The following UTRN variants were observed in gnomAD, a reference collection of about 807,000 sequenced individuals.
UTRN encodes dystrophin-related protein 1.
A neutral mutation model predicts 463.9 loss-of-function variants in UTRN; 283 were observed. The ratio of observed to expected loss-of-function variants is 0.61; its 90% CI spans 0.55 to 0.67. The LOEUF is 0.67. UTRN is among the 30% of genes least tolerant of loss of function. The probability of loss-of-function intolerance (pLI) is 0.00; values close to 1 mark genes in which losing one functional copy is unlikely to be tolerated. For synonymous variants in UTRN, 1,442 were observed against 1,431.5 expected, an observed-to-expected ratio of 1.01 and a Z score of -0.17; for missense variants, 3,922 against 4,084.3, an observed-to-expected ratio of 0.96 and a Z score of 1.08.
chr6:144,632,062 C>T (rs900014505), intron 51 of UTRN, among the ~76,000 whole-genome samples: 1 of 152,130 alleles, frequency 6.6e-6, no homozygotes, highest in Non-Finnish European at 1.5e-5. Flanking sequence ...CATGCATATC[C>T]GAAAGCTTTC....
rs115955804 is a variant in UTRN, at chr6:144,745,147, C to T, written c.7940-3099C>T. On this transcript the variant is annotated intron_variant, in intron 54 of 74. Coordinates refer to ENST00000367545, the MANE Select transcript of UTRN (RefSeq NM_007124.3). ...GGGTTCTTCACTGGTGAAGCAGATT[C>T]TCTGCTTCTACTTGTAGGTGGTCCT... Among the ~76,000 whole-genome samples, 480 of 152,226 alleles carry T rather than the reference C, an allele frequency of 3.2e-3. 2 individuals are homozygous for T. Among genetic ancestry groups the T allele is most frequent in the African/African-American group, 0.011 (469 of 41,536 alleles).
intron 50 of UTRN, among the ~76,000 whole-genome samples, chr6:144,561,921 T>G (rs1183106010): frequency 2.0e-5 from 3 of 152,174 alleles, no homozygotes; most frequent in Non-Finnish European, 4.4e-5. Context: ...AGCAGAAGGT[T>G]GAGTCATTAT....
At chr6:144,397,244 TA>T (rs528359502) in intron 2 of UTRN, among the ~76,000 whole-genome samples, 3,266 of 145,014 alleles carry the variant, frequency 0.023, 55 homozygotes, top group South Asian at 0.09. Flanking sequence ...AACTCGGTCT[TA>T]AAAAAAAAAA....
chr6:144,758,867 G>A (rs957120150), intron 58 of UTRN, among the ~76,000 whole-genome samples: 1 of 152,046 alleles, frequency 6.6e-6, no homozygotes, highest in South Asian at 2.1e-4. Flanking sequence ...TCTGTCTCAG[G>A]TTAGCTGTGT....
At chr6:144,481,744 G>A (rs2128573819) in intron 26 of UTRN, among the ~76,000 whole-genome samples, 1 of 152,336 alleles carries the variant, frequency 6.6e-6, no homozygotes, top group East Asian at 1.9e-4. Flanking sequence ...AAATTTCAGA[G>A]TTAGCATTCT....
chr6:144,705,051 A>G (rs781724434), intron 53 of UTRN, among the ~76,000 whole-genome samples: 9 of 152,190 alleles, frequency 5.9e-5, no homozygotes, highest in Non-Finnish European at 8.8e-5. Context: ...TAAAGGTTTG[A>G]AAGTCCAGTG....
chr6:144,537,036 CAT>C (rs1405518289), intron 43 of UTRN, among the ~76,000 whole-genome samples: 4 of 152,134 alleles, frequency 2.6e-5, no homozygotes, highest in East Asian at 1.9e-4. Flanking sequence ...GCCAAATTCA[CAT>C]GTTTCTTGTC....
At chr6:144,669,251 C>T (rs1303940328) in intron 51 of UTRN, among the ~76,000 whole-genome samples, 3 of 152,230 alleles carry the variant, frequency 2.0e-5, no homozygotes, top group Non-Finnish European at 4.4e-5. Flanking sequence ...TAAAAAGAAA[C>T]TTTGAGTTTA....
intron 51 of UTRN, among the ~76,000 whole-genome samples, chr6:144,646,946 T>G (rs909954272): frequency 6.6e-6 from 1 of 152,206 alleles, no homozygotes; most frequent in African/African-American, 2.4e-5. Context: ...AGTTTGTTAA[T>G]GATGTTAGAA....
At chr6:144,729,077 T>C (rs1030894891) in intron 53 of UTRN, among the ~76,000 whole-genome samples, 1 of 152,138 alleles carries the variant, frequency 6.6e-6, no homozygotes, top group Non-Finnish European at 1.5e-5. Context: ...ACGGGTGGCG[T>C]GTGCATGCTT....
In UTRN at chr6:144,607,751, G is replaced by T. The variant is rs369084823; in HGVS notation, c.7479+30463G>T. 1.3e-4 allele frequency among the ~76,000 whole-genome samples: 20 copies of T among 152,228 alleles called. 1 individual carries two copies. The highest frequency in any genetic ancestry group is 4.3e-4 in the African/African-American group (18 of 41,526). Reference sequence around the variant, plus strand: ...TTTTTCATTATTTTGGTAGTTTCTTGTCCAAAGACTGTTGTGCCCATGAAT... The same window carrying T: ...TTTTTCATTATTTTGGTAGTTTCTTTTCCAAAGACTGTTGTGCCCATGAAT... On this transcript the variant is annotated intron_variant, in intron 51 of 74. Coordinates refer to ENST00000367545, the MANE Select transcript of UTRN (RefSeq NM_007124.3).
intron 25 of UTRN, among the ~76,000 whole-genome samples, chr6:144,477,885 A>ATCTG (rs1791409238): frequency 6.7e-6 from 1 of 150,044 alleles, no homozygotes; most frequent in African/African-American, 2.5e-5. Flanking sequence ...CTATCTATCT[A>ATCTG]TCTATCTATC....
intron 2 of UTRN, among the ~76,000 whole-genome samples, chr6:144,361,306 AG>A (rs1779056702): frequency 3.3e-5 from 5 of 152,210 alleles, no homozygotes; most frequent in Admixed American, 3.3e-4. Flanking sequence ...GATGTTAGGA[AG>A]GGGGAGAAAC....
intron 2 of UTRN, among the ~76,000 whole-genome samples, chr6:144,384,535 G>A (rs1370627100): frequency 6.6e-6 from 1 of 151,850 alleles, no homozygotes; most frequent in Non-Finnish European, 1.5e-5. Flanking sequence ...CCTTTTTGGT[G>A]CCAAAAAGGT....
chr6:144,413,412 G>C (rs1354052618), intron 3 of UTRN, among the ~76,000 whole-genome samples: 1 of 152,164 alleles, frequency 6.6e-6, no homozygotes, highest in Non-Finnish European at 1.5e-5. Context: ...GGAGGCCATG[G>C]TGAGAAGCAA....
At chr6:144,461,898 T>A (rs1789455164) in intron 22 of UTRN, among the ~76,000 whole-genome samples, 1 of 152,204 alleles carries the variant, frequency 6.6e-6, no homozygotes, top group Non-Finnish European at 1.5e-5. Context: ...CATGTTTTGT[T>A]TTGTTTTGTT....
chr6:144,418,235 A>G (rs2114837822), intron 3 of UTRN, among the ~76,000 whole-genome samples: 1 of 141,672 alleles, frequency 7.1e-6, no homozygotes, highest in South Asian at 2.2e-4. Flanking sequence ...TTTTTTTGAG[A>G]TGGAGTCTCG....
At chr6:144,655,954 G>C (rs1779268853) in intron 51 of UTRN, among the ~76,000 whole-genome samples, 1 of 152,162 alleles carries the variant, frequency 6.6e-6, no homozygotes. Context: ...TTTGGCATTG[G>C]AATGTGGTTT....
chr6:144,583,721 G>C (rs1802199872), intron 51 of UTRN: 3 of 446,998 alleles, frequency 6.7e-6, no homozygotes, highest in Non-Finnish European at 1.2e-5. Flanking sequence ...GTAACTGATT[G>C]TGAAAGCTGT....
Sources: allele counts gnomAD v4.1 joint callset (sites outside exome capture counted in the v4.1 genomes callset), GRCh38; gene constraint gnomAD v4.1.1; transcripts MANE v1.5; gene names NCBI Gene and HGNC (gene_info 2026-07-23, HGNC 2026-07-21).